EFNA5: variants seen among roughly 807,000 people sequenced by gnomAD.
EFNA5 encodes ephrin A5.
In EFNA5, 5 loss-of-function variants were observed where a neutral mutation model predicts 22.9. That is an observed-to-expected ratio of 0.22 (90% CI 0.11 to 0.46). The LOEUF (loss-of-function observed/expected upper bound fraction) is 0.46, where lower values mean the gene tolerates loss of function less well. Among genes scored for constraint, EFNA5 ranks in the 20% least tolerant of loss-of-function variants. EFNA5 has a pLI of 0.99. For synonymous variants in EFNA5, 113 were observed against 112.2 expected (o/e 1.01, Z -0.04); for missense variants, 237 against 293.3 (o/e 0.81, Z 1.40).
intron 2 of EFNA5, among the ~76,000 whole-genome samples, chr5:107,405,601 C>G (rs1033097282): frequency 1.3e-5 from 2 of 151,898 alleles, no homozygotes; most frequent in Admixed American, 6.6e-5. Context: ...TTTAACAGAC[C>G]GAATTCACAG....
chr5:107,638,937 C>A (rs1304768895), intron 1 of EFNA5, among the ~76,000 whole-genome samples: 1 of 152,012 alleles, frequency 6.6e-6, no homozygotes, highest in Admixed American at 6.6e-5. Context: ...ACATTGTAAA[C>A]CATAAATACA....
chr5:107,568,075 T>C (rs1015467664), intron 1 of EFNA5, among the ~76,000 whole-genome samples: 2 of 152,060 alleles, frequency 1.3e-5, no homozygotes, highest in African/African-American at 4.8e-5. Flanking sequence ...TTTAATTTTT[T>C]TTGTAGGGAT....
chr5:107,670,307 T>G (rs1035901115), intron 1 of EFNA5, among the ~76,000 whole-genome samples, 182 bp downstream of exon 1: 23 of 152,062 alleles, frequency 1.5e-4, no homozygotes, highest in Admixed American at 6.5e-4. Flanking sequence ...CCGCGGCGGC[T>G]TAACAAAGAG....
At chr5:107,473,114 ATGT>A (rs1407249779) in intron 1 of EFNA5, among the ~76,000 whole-genome samples, 1 of 152,022 alleles carries the variant, frequency 6.6e-6, no homozygotes, top group East Asian at 1.9e-4. Context: ...CTCTTCCAAG[ATGT>A]TGTTACTGAT....
intron 1 of EFNA5, among the ~76,000 whole-genome samples, chr5:107,502,083 G>C (rs756658394): frequency 2.6e-5 from 4 of 152,190 alleles, no homozygotes; most frequent in Non-Finnish European, 5.9e-5. Flanking sequence ...ACCTGCGGCT[G>C]TTAGCAATGA....
chr5:107,632,326 C>T (rs1432054014), intron 1 of EFNA5, among the ~76,000 whole-genome samples: 2 of 152,002 alleles, frequency 1.3e-5, no homozygotes, highest in Non-Finnish European at 2.9e-5. Flanking sequence ...TGCATCCATC[C>T]ACAAAAACTC....
At chr5:107,568,815 T>C (rs1414613103) in intron 1 of EFNA5, among the ~76,000 whole-genome samples, 1 of 152,170 alleles carries the variant, frequency 6.6e-6, no homozygotes, top group Non-Finnish European at 1.5e-5. Flanking sequence ...ATATATAAAA[T>C]ATACAAAACC....
intron 2 of EFNA5, among the ~76,000 whole-genome samples, chr5:107,411,147 G>A (rs942884231): frequency 6.6e-6 from 1 of 152,066 alleles, no homozygotes; most frequent in Non-Finnish European, 1.5e-5. Flanking sequence ...AGAAATATAA[G>A]TGGTAAATTG....
chr5:107,527,002 G>T (rs1747708592), intron 1 of EFNA5, among the ~76,000 whole-genome samples: 1 of 152,060 alleles, frequency 6.6e-6, no homozygotes, highest in Non-Finnish European at 1.5e-5. Flanking sequence ...AACCATATTA[G>T]CCACAAAATG....
chr5:107,622,877 CGGGCGCGGTGGCG>C (rs1561452257), intron 1 of EFNA5, among the ~76,000 whole-genome samples: 1 of 150,962 alleles, frequency 6.6e-6, no homozygotes, highest in Admixed American at 6.6e-5. Flanking sequence ...AAAAATTAGC[CGGGCGCGGTGGCG>C]GGCGCCTGTA....
chr5:107,584,028 G>T (rs1365655280), intron 1 of EFNA5, among the ~76,000 whole-genome samples: 1 of 152,238 alleles, frequency 6.6e-6, no homozygotes. Flanking sequence ...CACAGGCTCG[G>T]CGTCCACAGG....
At chr5:107,629,184 A>C (rs1045855411) in intron 1 of EFNA5, among the ~76,000 whole-genome samples, 16 of 152,182 alleles carry the variant, frequency 1.1e-4, no homozygotes, top group African/African-American at 2.4e-5. Flanking sequence ...TACACACACA[A>C]AAAATTCATC....
At chr5:107,508,320 C>T (rs770783597) in intron 1 of EFNA5, among the ~76,000 whole-genome samples, 20 of 152,140 alleles carry the variant, frequency 1.3e-4, no homozygotes, top group Admixed American at 2.6e-4. Flanking sequence ...ATGTGAACAC[C>T]GTAGGTCCTC....
intron 1 of EFNA5, among the ~76,000 whole-genome samples, chr5:107,511,089 C>T (rs1369715999): frequency 6.6e-6 from 1 of 151,152 alleles, no homozygotes; most frequent in Non-Finnish European, 1.5e-5. Context: ...TGCAATGGCA[C>T]GATCTTGGCT....
At chr5:107,490,271 T>C (rs1230825400) in intron 1 of EFNA5, among the ~76,000 whole-genome samples, 1 of 152,172 alleles carries the variant, frequency 6.6e-6, no homozygotes, top group African/African-American at 2.4e-5. Flanking sequence ...TATTTATTTA[T>C]GTATTTTAGT....
At chr5:107,545,958 G>A (rs1236294423) in intron 1 of EFNA5, among the ~76,000 whole-genome samples, 1 of 152,098 alleles carries the variant, frequency 6.6e-6, no homozygotes, top group Admixed American at 6.6e-5. Context: ...CTGCAAGCCT[G>A]ACATTAGTGT....
intron 1 of EFNA5, among the ~76,000 whole-genome samples, chr5:107,471,086 C>T (rs530328922): frequency 2.0e-5 from 3 of 152,110 alleles, no homozygotes; most frequent in Non-Finnish European, 4.4e-5. Flanking sequence ...GTCTCCTTAT[C>T]GCCTCCCAAT....
intron 1 of EFNA5, among the ~76,000 whole-genome samples, chr5:107,637,713 G>C (rs1348791607): frequency 6.8e-6 from 1 of 147,780 alleles, no homozygotes; most frequent in African/African-American, 2.5e-5. Context: ...AGCCCCTACA[G>C]ATTATATATA....
chr5:107,577,216 T>A (rs1050041285), intron 1 of EFNA5, among the ~76,000 whole-genome samples: 1 of 152,160 alleles, frequency 6.6e-6, no homozygotes, highest in African/African-American at 2.4e-5. Context: ...TTTGGCCACC[T>A]GGTCACTCTG....
Sources: gnomAD v4.1 joint callset for allele counts (sites outside exome capture counted in the v4.1 genomes callset) on GRCh38, gnomAD v4.1.1 for gene constraint, MANE v1.5 for transcripts, NCBI Gene and HGNC (gene_info 2026-07-23, HGNC 2026-07-21) for gene names.